The following INTU variants were observed in gnomAD, a reference collection of about 807,000 sequenced individuals.
INTU encodes the protein inturned planar cell polarity protein, also known as protein inturned.
Under a neutral mutation model 100.5 loss-of-function variants are expected in INTU, and 68 were observed. The observed-to-expected ratio is 0.68, with a 90% CI of 0.56 to 0.83. INTU has a LOEUF of 0.83. Among genes scored for constraint, INTU ranks in the 40% least tolerant of loss-of-function variants. The probability of loss-of-function intolerance (pLI) is 0.00; values close to 1 mark genes in which losing one functional copy is unlikely to be tolerated. For synonymous variants in INTU, 357 were observed against 395.7 expected, an observed-to-expected ratio of 0.90 and a Z score of 1.16; for missense variants, 1,071 against 1,114.7, an observed-to-expected ratio of 0.96 and a Z score of 0.56.
chr4:127,641,178 T>C (rs546387576), intron 1 of INTU, among the ~76,000 whole-genome samples: 1 of 152,302 alleles, frequency 6.6e-6, no homozygotes, highest in Admixed American at 6.5e-5. Flanking sequence ...CCTTGAGTCT[T>C]GTCCACCTCA....
chr4:127,707,255 A>G lies in INTU; in HGVS notation c.2271+286A>G, dbSNP rs543245839. ...AAAATTGCCAGGCACGTTGGTGCAC[A>G]CCTGTGATCCCAGATGCATCGGGAG... is the stretch of plus-strand genomic sequence containing the variant. On this transcript the variant is annotated intron_variant, in intron 12 of 15. Transcript: ENST00000335251. Among the ~76,000 whole-genome samples the G allele has an allele frequency of 2.0e-5, 3 of 151,988 alleles. No individual in the cohort carries two copies. In the South Asian group the frequency reaches 6.3e-4, roughly 32 times the overall value.
intron 8 of INTU, among the ~76,000 whole-genome samples, chr4:127,691,610 G>C (rs531232302): frequency 6.6e-6 from 1 of 151,252 alleles, no homozygotes; most frequent in Non-Finnish European, 1.5e-5. Context: ...TTTTTAATTC[G>C]GTAGGTTTTT....
intron 12 of INTU, 138 bp from the exon 13 acceptor site, chr4:127,708,433 A>C (rs1439475543): frequency 6.9e-6 from 4 of 580,046 alleles, no homozygotes; most frequent in Non-Finnish European, 1.3e-5. Flanking sequence ...AAGAGGTACA[A>C]GTTAGCATCA....
chr4:127,686,524 C>A (rs1372288960), intron 7 of INTU: 2 of 152,342 alleles, frequency 1.3e-5, no homozygotes, highest in Admixed American at 6.5e-5. Context: ...ATTGCAAACA[C>A]CCTGGCAAAG....
At chr4:127,677,708 A>C (rs1218968271) in intron 6 of INTU, among the ~76,000 whole-genome samples, 9 of 152,316 alleles carry the variant, frequency 5.9e-5, no homozygotes, top group Admixed American at 3.3e-4. Context: ...CCTCCTCCAA[A>C]GGAACGCAGC....
intron 8 of INTU, among the ~76,000 whole-genome samples, chr4:127,694,950 C>A (rs902288575): frequency 6.6e-6 from 1 of 152,142 alleles, no homozygotes; most frequent in African/African-American, 2.4e-5. Flanking sequence ...AGTCCCCAGA[C>A]TTTGTTCTCC....
At chr4:127,711,417 A>G (rs1386105142) in intron 14 of INTU, among the ~76,000 whole-genome samples, 2 of 152,190 alleles carry the variant, frequency 1.3e-5, no homozygotes, top group Non-Finnish European at 2.9e-5. Flanking sequence ...TTACTTGAGT[A>G]ATAATATCTA....
At position 127,661,053 on chromosome 4, in the gene INTU, A is replaced by T. The variant is rs79935087; in HGVS notation, c.769-2328A>T. Among the ~76,000 whole-genome samples the T allele has an allele frequency of 5.8e-3, 886 of 152,268 alleles. 5 individuals are homozygous for T. The highest frequency in any genetic ancestry group is 0.017 in the Middle Eastern group (5 of 294). On this transcript the variant is annotated intron_variant, in intron 3 of 15. Coordinates refer to ENST00000335251, the MANE Select transcript of INTU (RefSeq NM_015693.4). ...TTTTAAAAATGTCTTTTTAAAGTATAATTTTATTTGTATTATGGAGCCAAC... is the reference window on the plus strand; with the variant it reads ...TTTTAAAAATGTCTTTTTAAAGTATTATTTTATTTGTATTATGGAGCCAAC...
At chr4:127,648,883 T>C (rs1294339072) in intron 2 of INTU, among the ~76,000 whole-genome samples, 1 of 152,176 alleles carries the variant, frequency 6.6e-6, no homozygotes, top group Non-Finnish European at 1.5e-5. Flanking sequence ...AAGTTCTTAC[T>C]TTTAAGAAAA....
At chr4:127,694,860 A>G (rs1004545251) in intron 8 of INTU, among the ~76,000 whole-genome samples, 12 of 152,158 alleles carry the variant, frequency 7.9e-5, no homozygotes, top group Admixed American at 2.0e-4. Flanking sequence ...TTCCATTGAC[A>G]TATTTGTCTG....
intron 2 of INTU, among the ~76,000 whole-genome samples, chr4:127,651,569 T>C (rs1213108575): frequency 2.0e-5 from 3 of 152,206 alleles, no homozygotes; most frequent in Non-Finnish European, 4.4e-5. Context: ...TTCTGTTCCA[T>C]TGATCTATAT....
At chr4:127,650,683 G>A (rs1414247957) in intron 2 of INTU, among the ~76,000 whole-genome samples, 14 of 151,458 alleles carry the variant, frequency 9.2e-5, no homozygotes, top group South Asian at 2.1e-4. Context: ...ATAAACATAC[G>A]TGTGCATGTG....
In INTU at chr4:127,710,923, G is replaced by A; in HGVS notation, c.2380G>A (p.Gly794Ser). ...EIYNTVKLTS[G>S]PENTLFHYVA... ...TTTTTTCTTTTTAAGACTGACATCT[G>A]GTCCTGAGAACACACTTTTCCACTA... The change falls in exon 14 of 16, where the codon GGT becomes AGT. Residue 794 changes from glycine to serine, a missense_variant. By Grantham distance (56) the Gly-to-Ser change is moderately conservative (BLOSUM62 0). Coordinates refer to ENST00000335251, the MANE Select transcript of INTU (RefSeq NM_015693.4). 6.9e-7 allele frequency: 1 copy of A among 1,459,332 alleles called. No individual in the cohort carries two copies. Among genetic ancestry groups the A allele is most frequent in the Non-Finnish European group, 9.2e-7 (1 of 1,088,522 alleles). The allele number at this position is 1,459,332 out of a possible 1,614,324, so 90.4% of individuals were successfully genotyped here.
At chr4:127,672,713 G>A (rs193276984) in intron 5 of INTU, among the ~76,000 whole-genome samples, 127 of 151,998 alleles carry the variant, frequency 8.4e-4, no homozygotes, top group African/African-American at 3.0e-3. Flanking sequence ...ACTATAAGAG[G>A]CTAATATTTG....
chr4:127,683,135 T>C (rs1379539902), intron 6 of INTU, among the ~76,000 whole-genome samples: 2 of 152,176 alleles, frequency 1.3e-5, no homozygotes, highest in African/African-American at 4.8e-5. Flanking sequence ...CTAGCTAATT[T>C]CTCAATCTTT....
chr4:127,715,648 G>A (rs1287284920), intron 15 of INTU, among the ~76,000 whole-genome samples: 1 of 152,172 alleles, frequency 6.6e-6, no homozygotes, highest in Admixed American at 6.5e-5. Flanking sequence ...ATGTGCACAT[G>A]AGAGATACTA....
intron 5 of INTU, among the ~76,000 whole-genome samples, chr4:127,670,402 A>G (rs186292150): frequency 6.6e-6 from 1 of 152,086 alleles, no homozygotes. Flanking sequence ...TTAACTAATT[A>G]AAAGTCATGT....
intron 12 of INTU, 124 bp downstream of exon 12, chr4:127,707,093 T>A: frequency 8.8e-7 from 1 of 1,132,874 alleles, no homozygotes; most frequent in Non-Finnish European, 1.3e-6. Context: ...GTTATTTCAG[T>A]CACTGCTGGC....
At chr4:127,693,871 A>G (rs964230901) in intron 8 of INTU, among the ~76,000 whole-genome samples, 2 of 152,060 alleles carry the variant, frequency 1.3e-5, no homozygotes, top group Non-Finnish European at 1.5e-5. Flanking sequence ...GTAGTGTATC[A>G]TTTATTGACT....
Sources: gnomAD v4.1 joint callset for allele counts (sites outside exome capture counted in the v4.1 genomes callset) on GRCh38, gnomAD v4.1.1 for gene constraint, MANE v1.5 for transcripts, NCBI Gene and HGNC (gene_info 2026-07-23, HGNC 2026-07-21) for gene names.